The following KAZN variants were observed in gnomAD, a reference collection of about 807,000 sequenced individuals.
The protein encoded by KAZN is kazrin.
A neutral mutation model predicts 87.4 loss-of-function variants in KAZN; 40 were observed. The observed-to-expected ratio is 0.46, with a 90% CI of 0.36 to 0.60. The LOEUF (loss-of-function observed/expected upper bound fraction) is 0.60. Ranked by LOEUF, KAZN falls within the 20% of genes least tolerant of loss-of-function variation. KAZN has a pLI of 0.00. For synonymous variants in KAZN, 466 were observed against 458.3 expected (o/e 1.02, Z -0.22); for missense variants, 898 against 1,073.9 (o/e 0.84, Z 2.29).
chr1:14,737,460 C>T (rs1043311156), intron 1 of KAZN, among the ~76,000 whole-genome samples: 1 of 152,158 alleles, frequency 6.6e-6, no homozygotes, highest in Non-Finnish European at 1.5e-5. Flanking sequence ...AACCACAAGG[C>T]TCTAAGGGGA....
intron 2 of KAZN, among the ~76,000 whole-genome samples, chr1:14,202,618 A>G (rs1397094093): frequency 6.6e-6 from 1 of 152,150 alleles, no homozygotes; most frequent in African/African-American, 2.4e-5. Flanking sequence ...GGTCTACAAG[A>G]TGGGAACATT....
At chr1:14,564,666 A>C (rs1435244565) in intron 2 of KAZN, among the ~76,000 whole-genome samples, 2 of 140,304 alleles carry the variant, frequency 1.4e-5, no homozygotes, top group Non-Finnish European at 3.1e-5. Flanking sequence ...AAAAAAAATT[A>C]GCTTGGAGTG....
At chr1:14,080,618 G>T (rs548425830) in intron 1 of KAZN, among the ~76,000 whole-genome samples, 2 of 152,320 alleles carry the variant, frequency 1.3e-5, no homozygotes, top group African/African-American at 4.8e-5. Context: ...TCATTTTGAG[G>T]ATTAAATGAG....
At chr1:14,061,051 A>G (rs1642773461) in intron 1 of KAZN, among the ~76,000 whole-genome samples, 1 of 152,206 alleles carries the variant, frequency 6.6e-6, no homozygotes, top group Non-Finnish European at 1.5e-5. Context: ...TCTCCTAGAG[A>G]AAAATCTAGA....
intron 1 of KAZN, among the ~76,000 whole-genome samples, chr1:14,852,577 G>A (rs1392646011): frequency 1.3e-5 from 2 of 152,144 alleles, no homozygotes; most frequent in Admixed American, 1.3e-4. Flanking sequence ...CTCTGCCCAT[G>A]CCAGGACTAG....
At chr1:14,646,195 A>G (rs2148685068) in intron 1 of KAZN, among the ~76,000 whole-genome samples, 1 of 152,288 alleles carries the variant, frequency 6.6e-6, no homozygotes, top group East Asian at 1.9e-4. Context: ...GTGAATCTAT[A>G]CATTGTTAAA....
intron 2 of KAZN, among the ~76,000 whole-genome samples, chr1:14,220,350 A>C (rs1647067617): frequency 6.6e-6 from 1 of 152,136 alleles, no homozygotes; most frequent in Admixed American, 6.6e-5. Context: ...TGCCAACCCA[A>C]TTAATAGCTT....
At chr1:14,408,885 A>G (rs1053381163) in intron 2 of KAZN, among the ~76,000 whole-genome samples, 4 of 152,026 alleles carry the variant, frequency 2.6e-5, no homozygotes, top group Non-Finnish European at 4.4e-5. Flanking sequence ...AAAGAAAAGA[A>G]GAGGATGGGG....
At chr1:14,050,060 TG>T (rs1373085087) in intron 1 of KAZN, among the ~76,000 whole-genome samples, 3 of 151,882 alleles carry the variant, frequency 2.0e-5, no homozygotes, top group Non-Finnish European at 2.9e-5. Flanking sequence ...TGTGGGTGTG[TG>T]GGGGCATGCA....
In KAZN at chr1:14,089,299, T is replaced by C. The variant is rs551499781; in HGVS notation, c.92-91136T>C. Among the ~76,000 whole-genome samples, 15 of 152,244 alleles carry C rather than the reference T, an allele frequency of 9.9e-5. No homozygotes were observed. The East Asian group carries it at 2.9e-3, about 29-fold the overall frequency. On this transcript the variant is annotated intron_variant, in intron 1 of 16. Transcript: ENST00000636203. Reference sequence around the variant, plus strand: ...GACCACTTCCATTTACTGTAAGTACTGATATGGTTGTATTTAAATATACTG... The same window carrying C: ...GACCACTTCCATTTACTGTAAGTACCGATATGGTTGTATTTAAATATACTG...
intron 1 of KAZN, among the ~76,000 whole-genome samples, chr1:14,633,413 A>G (rs998833598): frequency 2.0e-5 from 3 of 152,104 alleles, no homozygotes; most frequent in African/African-American, 7.2e-5. Context: ...GAGGTTAGAG[A>G]GATGCCATTG....
At chr1:14,626,852 T>G (rs1353928849) in intron 1 of KAZN, among the ~76,000 whole-genome samples, 1 of 152,178 alleles carries the variant, frequency 6.6e-6, no homozygotes, top group Non-Finnish European at 1.5e-5. Context: ...TGCGGCCCTG[T>G]TCCCTGCTTT....
At chr1:15,042,774 G>A (rs1673050189) in intron 3 of KAZN, among the ~76,000 whole-genome samples, 1 of 152,190 alleles carries the variant, frequency 6.6e-6, no homozygotes, top group South Asian at 2.1e-4. Context: ...CCATCTGGAA[G>A]TGAGGCCTTC....
chr1:14,969,828 T>TG lies in KAZN; in HGVS notation c.418+8959dup, dbSNP rs1404523497. Among the ~76,000 whole-genome samples the TG allele has an allele frequency of 8.5e-5, 13 of 152,208 alleles. No individual in the cohort carries two copies. In the South Asian group the frequency reaches 2.5e-3, roughly 29 times the overall value. On this transcript the variant is annotated intron_variant, in intron 2 of 14. Transcript: ENST00000376030. The stretch of plus-strand genomic sequence containing the variant: ...TTATTTTATTTTATATTATTTTTCG[T>TG]GGGGGGACAGAGTCTTACTCTGTCG...
At chr1:14,211,672 G>T (rs985757308) in intron 2 of KAZN, among the ~76,000 whole-genome samples, 1 of 152,118 alleles carries the variant, frequency 6.6e-6, no homozygotes, top group African/African-American at 2.4e-5. Flanking sequence ...TCCAGGATTT[G>T]ACCTGTTGTT....
intron 1 of KAZN, among the ~76,000 whole-genome samples, chr1:14,816,143 C>T (rs1182507099): frequency 6.6e-6 from 1 of 152,166 alleles, no homozygotes; most frequent in Non-Finnish European, 1.5e-5. Flanking sequence ...CCTCTACTTT[C>T]AGAACCTACT....
chr1:14,342,218 T>C (rs913557063), intron 2 of KAZN, among the ~76,000 whole-genome samples: 1 of 152,252 alleles, frequency 6.6e-6, no homozygotes, highest in Non-Finnish European at 1.5e-5. Context: ...TACCATATTT[T>C]CTTTATCCAG....
At chr1:14,278,926 CT>C (rs77998358) in intron 2 of KAZN, among the ~76,000 whole-genome samples, 13 of 97,746 alleles carry the variant, frequency 1.3e-4, no homozygotes, top group South Asian at 3.6e-4. Flanking sequence ...TCAAATTCAG[CT>C]TTTTTTTTTT....
chr1:14,186,901 G>A (rs568984986), intron 2 of KAZN, among the ~76,000 whole-genome samples: 49 of 152,280 alleles, frequency 3.2e-4, no homozygotes, highest in African/African-American at 1.1e-3. Flanking sequence ...TTCAGGATTA[G>A]ATGGATAACT....
Sources: allele counts gnomAD v4.1 joint callset (sites outside exome capture counted in the v4.1 genomes callset), GRCh38; gene constraint gnomAD v4.1.1; transcripts MANE v1.5; gene names NCBI Gene and HGNC (gene_info 2026-07-23, HGNC 2026-07-21).